The following NLGN1 variants were observed in gnomAD, a reference collection of about 807,000 sequenced individuals.
NLGN1 encodes the protein neuroligin-1.
Under a neutral mutation model 65.5 loss-of-function variants are expected in NLGN1, and 12 were observed. The observed-to-expected ratio is 0.18, with a 90% CI of 0.12 to 0.30. NLGN1 has a LOEUF of 0.30. NLGN1 is among the 10% of genes least tolerant of loss of function. NLGN1 has a pLI of 1.00. For synonymous variants in NLGN1, 350 were observed against 359.5 expected, an observed-to-expected ratio of 0.97 and a Z score of 0.30; for missense variants, 750 against 1,007.1, an observed-to-expected ratio of 0.74 and a Z score of 3.46.
chr3:173,494,138 TG>T (rs1729632621), intron 2 of NLGN1, among the ~76,000 whole-genome samples: 1 of 150,486 alleles, frequency 6.6e-6, no homozygotes, highest in Non-Finnish European at 1.5e-5. Flanking sequence ...TGTGTGTGTG[TG>T]TGTGTGTGTG....
At chr3:174,224,527 C>T (rs781440407) in intron 4 of NLGN1, among the ~76,000 whole-genome samples, 1 of 152,094 alleles carries the variant, frequency 6.6e-6, no homozygotes, top group Non-Finnish European at 1.5e-5. Flanking sequence ...GGTGAACCCC[C>T]GTCTCTACCA....
chr3:173,609,691 G>A (rs746158094), intron 3 of NLGN1, among the ~76,000 whole-genome samples: 3 of 151,888 alleles, frequency 2.0e-5, no homozygotes, highest in Non-Finnish European at 4.4e-5. Flanking sequence ...TAGGTACAGA[G>A]TAAATAAAAG....
intron 2 of NLGN1, among the ~76,000 whole-genome samples, chr3:173,436,105 A>AGT (rs1377028672): frequency 1.2e-4 from 19 of 152,286 alleles, no homozygotes; most frequent in Admixed American, 1.2e-3. Flanking sequence ...TTTTTACATC[A>AGT]ATTTACCAAA....
intron 4 of NLGN1, among the ~76,000 whole-genome samples, chr3:173,867,959 T>C (rs1326417852): frequency 6.6e-6 from 1 of 152,202 alleles, no homozygotes; most frequent in Non-Finnish European, 1.5e-5. Context: ...ATGTGGCTTA[T>C]TGCCTTTAAA....
intron 4 of NLGN1, among the ~76,000 whole-genome samples, chr3:174,020,428 T>C (rs1049002591): frequency 8.5e-5 from 13 of 152,198 alleles, no homozygotes; most frequent in African/African-American, 3.1e-4. Context: ...GAAAATTATA[T>C]TGGTAATTTT....
At chr3:173,749,739 A>T (rs568492343) in intron 3 of NLGN1, among the ~76,000 whole-genome samples, 34 of 152,238 alleles carry the variant, frequency 2.2e-4, no homozygotes, top group African/African-American at 7.7e-4. Flanking sequence ...AAAAATTATT[A>T]TAACCTATTA....
chr3:174,164,705 T>C (rs1727181658), intron 4 of NLGN1, among the ~76,000 whole-genome samples: 1 of 152,098 alleles, frequency 6.6e-6, no homozygotes, highest in African/African-American at 2.4e-5. Flanking sequence ...TCTATTCTGT[T>C]CCATTGGTCT....
At chr3:173,750,699 G>C (rs1264605132) in intron 3 of NLGN1, among the ~76,000 whole-genome samples, 1 of 151,974 alleles carries the variant, frequency 6.6e-6, no homozygotes, top group East Asian at 1.9e-4. Context: ...GTTAGTAGAG[G>C]TTTCTTTTGA....
At chr3:174,216,548 C>T (rs913328472) in intron 4 of NLGN1, among the ~76,000 whole-genome samples, 15 of 152,034 alleles carry the variant, frequency 9.9e-5, no homozygotes, top group Non-Finnish European at 2.1e-4. Context: ...GATAGATGTG[C>T]CCCTTTCTGA....
intron 2 of NLGN1, among the ~76,000 whole-genome samples, chr3:173,553,954 A>C (rs1741302810): frequency 6.6e-6 from 1 of 152,202 alleles, no homozygotes; most frequent in East Asian, 1.9e-4. Flanking sequence ...ATCAAAGAGA[A>C]GTAGTGAGAA....
intron 2 of NLGN1, among the ~76,000 whole-genome samples, chr3:173,600,200 T>TCACACACACACACACACACACACACACAC (rs1187383560): frequency 6.9e-6 from 1 of 145,100 alleles, no homozygotes; most frequent in Admixed American, 6.8e-5. Flanking sequence ...TACATGTGTG[T>TCACACACACACACACACACACACACACAC]ACACACACAC....
At chr3:174,205,001 C>T (rs1735138736) in intron 4 of NLGN1, among the ~76,000 whole-genome samples, 1 of 152,098 alleles carries the variant, frequency 6.6e-6, no homozygotes, top group Non-Finnish European at 1.5e-5. Flanking sequence ...GTCACATGAT[C>T]ACAGGATCGT....
chr3:173,841,014 C>T (rs1724664698), intron 4 of NLGN1, among the ~76,000 whole-genome samples: 1 of 152,178 alleles, frequency 6.6e-6, no homozygotes, highest in Non-Finnish European at 1.5e-5. Context: ...GACAATTTCA[C>T]ACTGTGACCA....
At chr3:173,965,742 C>G (rs142650459) in intron 4 of NLGN1, among the ~76,000 whole-genome samples, 1 of 152,042 alleles carries the variant, frequency 6.6e-6, no homozygotes, top group East Asian at 1.9e-4. Flanking sequence ...TTTTAAGACA[C>G]CTGTTGAACA....
chr3:173,565,881 G>A (rs1310936278), intron 2 of NLGN1, among the ~76,000 whole-genome samples: 1 of 152,182 alleles, frequency 6.6e-6, no homozygotes, highest in Non-Finnish European at 1.5e-5. Context: ...CATTTCTTTT[G>A]TGTGAAAGTA....
chr3:173,750,167 C>T (rs916056941), intron 3 of NLGN1, among the ~76,000 whole-genome samples: 3 of 151,352 alleles, frequency 2.0e-5, no homozygotes, highest in African/African-American at 7.3e-5. Flanking sequence ...TCCTCAGCTC[C>T]TTATCTCCTT....
intron 4 of NLGN1, among the ~76,000 whole-genome samples, chr3:174,005,706 T>C (rs1724224646): frequency 6.6e-6 from 1 of 152,010 alleles, no homozygotes; most frequent in Non-Finnish European, 1.5e-5. Context: ...ACTTTTTTTT[T>C]TTTTACCACA....
intron 4 of NLGN1, among the ~76,000 whole-genome samples, chr3:174,060,252 A>G (rs1401894456): frequency 6.6e-6 from 1 of 152,110 alleles, no homozygotes; most frequent in East Asian, 1.9e-4. Flanking sequence ...CTCTTTTCCC[A>G]CTAAGCCTGA....
intron 4 of NLGN1, among the ~76,000 whole-genome samples, chr3:173,902,880 AAC>A (rs1737629693): frequency 6.6e-6 from 1 of 152,096 alleles, no homozygotes; most frequent in Admixed American, 6.6e-5. Flanking sequence ...TGATGCTAGA[AAC>A]AGCATCAAAG....
Sources: gnomAD v4.1 joint callset for allele counts (sites outside exome capture counted in the v4.1 genomes callset) on GRCh38, gnomAD v4.1.1 for gene constraint, MANE v1.5 for transcripts, NCBI Gene and HGNC (gene_info 2026-07-23, HGNC 2026-07-21) for gene names.